Variants in CTNNBL1 observed in about 807,000 individuals in gnomAD.
CTNNBL1 encodes beta-catenin-like protein 1.
In CTNNBL1, 31 loss-of-function variants were observed where a neutral mutation model predicts 72.7. The observed-to-expected ratio is 0.43, with a 90% CI of 0.32 to 0.58. The LOEUF is 0.58. Among genes scored for constraint, CTNNBL1 ranks in the 20% least tolerant of loss-of-function variants. The pLI, the probability that CTNNBL1 is intolerant of heterozygous loss-of-function variation, is 0.08. For synonymous variants in CTNNBL1, 240 were observed against 267.3 expected (o/e 0.90, Z 1.00); for missense variants, 534 against 725.1 (o/e 0.74, Z 3.03).
chr20:37,705,977 T>C (rs1477670381), intron 1 of CTNNBL1, among the ~76,000 whole-genome samples: 1 of 152,266 alleles, frequency 6.6e-6, no homozygotes, highest in African/African-American at 2.4e-5. Context: ...AAGCAAGTCA[T>C]ACAAATCTTT....
At chr20:37,768,802 TCTCA>T (rs756419846) in intron 7 of CTNNBL1, among the ~76,000 whole-genome samples, 1 of 152,146 alleles carries the variant, frequency 6.6e-6, no homozygotes, top group Non-Finnish European at 1.5e-5. Flanking sequence ...TGAAACTGAG[TCTCA>T]CTCACTCTGT....
chr20:37,856,429 G>A (rs1054125162), intron 13 of CTNNBL1, among the ~76,000 whole-genome samples: 2 of 152,034 alleles, frequency 1.3e-5, no homozygotes, highest in Non-Finnish European at 2.9e-5. Context: ...GGGGTTCTCA[G>A]GGAACATTTT....
intron 10 of CTNNBL1, among the ~76,000 whole-genome samples, chr20:37,782,625 G>A (rs890861781): frequency 2.6e-5 from 4 of 152,050 alleles, no homozygotes; most frequent in Non-Finnish European, 4.4e-5. Context: ...TTTTAATAAT[G>A]TATTTTATTT....
intron 4 of CTNNBL1, chr20:37,750,264 C>G (rs976843177): frequency 3.3e-5 from 5 of 152,156 alleles, no homozygotes; most frequent in Admixed American, 3.3e-4. Context: ...AGGCTGGAGC[C>G]CAGCTATCGG....
intron 13 of CTNNBL1, among the ~76,000 whole-genome samples, chr20:37,846,125 G>C (rs2072345006): frequency 6.6e-6 from 1 of 152,198 alleles, no homozygotes. Context: ...TGGTGCCGCA[G>C]ACAAGGGCTG....
chr20:37,780,507 G>C (rs751223893), intron 10 of CTNNBL1, among the ~76,000 whole-genome samples: 1 of 152,096 alleles, frequency 6.6e-6, no homozygotes, highest in East Asian at 1.9e-4. Context: ...GCCACACATA[G>C]GATTTTCTGT....
chr20:37,842,135 C>T (rs1217945250), intron 12 of CTNNBL1: 15 of 536,054 alleles, frequency 2.8e-5, no homozygotes, highest in Non-Finnish European at 5.0e-5. Context: ...CTGCATTCAT[C>T]CTAAGTGTTT....
At chr20:37,853,516 A>C (rs2072414139) in intron 13 of CTNNBL1, among the ~76,000 whole-genome samples, 1 of 152,220 alleles carries the variant, frequency 6.6e-6, no homozygotes, top group Non-Finnish European at 1.5e-5. Flanking sequence ...TCAGATGGCC[A>C]GCTCTACCTC....
chr20:37,806,439 A>G (rs1293598409), intron 11 of CTNNBL1, among the ~76,000 whole-genome samples: 1 of 152,256 alleles, frequency 6.6e-6, no homozygotes, highest in Non-Finnish European at 1.5e-5. Context: ...AGAAAGAGAC[A>G]GTCTGTGGCG....
At chr20:37,709,844 G>A (rs2072921843) in intron 1 of CTNNBL1, among the ~76,000 whole-genome samples, 2 of 152,208 alleles carry the variant, frequency 1.3e-5, no homozygotes, top group South Asian at 4.1e-4. Flanking sequence ...CTAACTTCTT[G>A]TTTCTCTGGT....
Position 37,711,830 on chromosome 20 carries a change from A to G in CTNNBL1, c.30+17678A>G, listed in dbSNP as rs111709439. ...TGAGGTGGGAACAGACTTGTCATGT[A>G]TGGCCAGAGCTTGGTGAGTGAAGAG... On this transcript the variant is annotated intron_variant, in intron 1 of 15. Transcript: ENST00000361383. Among the ~76,000 whole-genome samples, 437 of 152,188 alleles carry G rather than the reference A, an allele frequency of 2.9e-3. 5 individuals carry two copies. The highest frequency in any genetic ancestry group is 1.0e-2 in the African/African-American group (414 of 41,502).
At chr20:37,709,604 C>G (rs929134061) in intron 1 of CTNNBL1, among the ~76,000 whole-genome samples, 6 of 152,162 alleles carry the variant, frequency 3.9e-5, no homozygotes, top group Non-Finnish European at 8.8e-5. Context: ...GCATCTCAAG[C>G]TTGCATAGTT....
intron 5 of CTNNBL1, among the ~76,000 whole-genome samples, chr20:37,764,685 G>T (rs963633742): frequency 1.3e-5 from 2 of 152,200 alleles, no homozygotes; most frequent in African/African-American, 2.4e-5. Flanking sequence ...TTCATAAGTA[G>T]TAGTTTCATA....
In CTNNBL1 at chr20:37,833,565, C is replaced by T. The variant is rs190245277; in HGVS notation, c.1214-6537C>T. On this transcript the variant is annotated intron_variant, in intron 11 of 15. Coordinates refer to ENST00000361383, the MANE Select transcript of CTNNBL1 (RefSeq NM_030877.5). Reference sequence around the variant, plus strand: ...CCTTCCCCTTGGTGGAGCCTTGTTGCTTCTGTGTGTGTGTGTGCGTGTGTA... The same window carrying T: ...CCTTCCCCTTGGTGGAGCCTTGTTGTTTCTGTGTGTGTGTGTGCGTGTGTA... Among the ~76,000 whole-genome samples, 47 of 152,198 alleles carry T rather than the reference C, an allele frequency of 3.1e-4. 1 individual carries two copies. The highest frequency in any genetic ancestry group is 3.1e-3 in the Admixed American group (47 of 15,278).
In CTNNBL1 at chr20:37,746,618, A is replaced by G. The variant is rs1443709874; in HGVS notation, c.466+11A>G. 6.2e-7 allele frequency: 1 copy of G among 1,613,884 alleles called. No individual in the cohort carries two copies. Among genetic ancestry groups the G allele is most frequent in the African/African-American group, 1.3e-5 (1 of 74,908 alleles). On this transcript the variant is annotated intron_variant, in intron 4 of 15. Coordinates refer to ENST00000361383, the MANE Select transcript of CTNNBL1 (RefSeq NM_030877.5). Reference sequence around the variant, plus strand: ...GACACGATAATACAGATATCCTTTCAGATCTGACCTCAGTAGGAGAGCTGA... The same window carrying G: ...GACACGATAATACAGATATCCTTTCGGATCTGACCTCAGTAGGAGAGCTGA...
intron 11 of CTNNBL1, among the ~76,000 whole-genome samples, chr20:37,830,631 C>T (rs1205118605): frequency 6.6e-6 from 1 of 152,138 alleles, no homozygotes; most frequent in Non-Finnish European, 1.5e-5. Flanking sequence ...GACTCATGCT[C>T]CTCAACGTAC....
intron 11 of CTNNBL1, among the ~76,000 whole-genome samples, chr20:37,816,168 A>C (rs1263931813): frequency 6.6e-6 from 1 of 152,216 alleles, no homozygotes; most frequent in East Asian, 1.9e-4. Context: ...CAAACAAAGG[A>C]TCCCCAAACA....
At chr20:37,858,866 T>A (rs959767406) in intron 13 of CTNNBL1, among the ~76,000 whole-genome samples, 1 of 152,104 alleles carries the variant, frequency 6.6e-6, no homozygotes, top group East Asian at 1.9e-4. Context: ...ACGTGTGAAA[T>A]GCAGCATGCC....
intron 1 of CTNNBL1, among the ~76,000 whole-genome samples, chr20:37,722,601 T>G (rs2073050804): frequency 6.6e-6 from 1 of 152,214 alleles, no homozygotes. Context: ...TTCAAAGTCC[T>G]GTATTTTTAT....
Sources: gnomAD v4.1 joint callset for allele counts (sites outside exome capture counted in the v4.1 genomes callset) on GRCh38, gnomAD v4.1.1 for gene constraint, MANE v1.5 for transcripts, NCBI Gene and HGNC (gene_info 2026-07-23, HGNC 2026-07-21) for gene names.